Variants in PCDHGA2 observed in about 807,000 individuals in gnomAD.
The protein encoded by PCDHGA2 is protocadherin gamma-A2.
Under a neutral mutation model 59.2 loss-of-function variants are expected in PCDHGA2, and 40 were observed. The ratio of observed to expected loss-of-function variants is 0.68; its 90% CI spans 0.52 to 0.88. The LOEUF (loss-of-function observed/expected upper bound fraction) is 0.88. PCDHGA2 is among the 40% of genes least tolerant of loss of function. The pLI is 0.00. For missense variants in PCDHGA2, 1,226 were observed against 1,204.0 expected (o/e 1.02, Z -0.27); for synonymous variants, 560 against 526.0 (o/e 1.06, Z -0.89).
At chr5:141,367,576 C>T (rs1435052087) in intron 1 of PCDHGA2, 1 of 138,304 alleles carries the variant, frequency 7.2e-6, no homozygotes, top group African/African-American at 2.7e-5. Context: ...AAATAAATAT[C>T]AGAAAAGTAG....
chr5:141,369,438 G>A (rs1766245729), intron 1 of PCDHGA2, among the ~76,000 whole-genome samples: 3 of 152,098 alleles, frequency 2.0e-5, no homozygotes, highest in African/African-American at 7.2e-5. Flanking sequence ...ACGCTGAGGT[G>A]GGAGGATTGC....
At chr5:141,386,203 G>A (rs2090496623) in intron 1 of PCDHGA2, among the ~76,000 whole-genome samples, 1 of 152,140 alleles carries the variant, frequency 6.6e-6, no homozygotes, top group Non-Finnish European at 1.5e-5. Flanking sequence ...TAGACCAGTA[G>A]TTGATTTTAT....
intron 1 of PCDHGA2, among the ~76,000 whole-genome samples, chr5:141,492,854 G>A (rs1361942466): frequency 6.6e-6 from 1 of 152,212 alleles, no homozygotes; most frequent in Non-Finnish European, 1.5e-5. Flanking sequence ...AAAGCCTCGA[G>A]CGCCCTGGCT....
At chr5:141,501,328 CA>C (rs1446948770) in intron 2 of PCDHGA2, among the ~76,000 whole-genome samples, 83 of 151,828 alleles carry the variant, frequency 5.5e-4, no homozygotes, top group Admixed American at 2.2e-3. Context: ...CACACACACA[CA>C]CACACCCCAA....
intron 1 of PCDHGA2, chr5:141,423,748 T>TG: frequency 7.2e-6 from 2 of 278,014 alleles, no homozygotes; most frequent in Admixed American, 4.2e-4. Flanking sequence ...ATGAAAACTG[T>TG]TTGGGGGGGG....
chr5:141,415,147 C>A lies in PCDHGA2; in HGVS notation c.2424+73752C>A, dbSNP rs779194230. The A allele has an allele frequency of 9.9e-6, 16 of 1,613,668 alleles. No individual in the cohort carries two copies. Among genetic ancestry groups the A allele is most frequent in the African/African-American group, 1.3e-5 (1 of 74,952 alleles). On this transcript the variant is annotated intron_variant, in intron 1 of 3. Transcript: ENST00000394576. ...CGTCCAGGACCACGGCCAGCCCCCT[C>A]TCTCCGCCACTGTCACGCTCACCGT... is the stretch of plus-strand genomic sequence containing the variant.
At chr5:141,450,770 AG>A (rs1354382498) in intron 1 of PCDHGA2, among the ~76,000 whole-genome samples, 1 of 151,448 alleles carries the variant, frequency 6.6e-6, no homozygotes, top group Non-Finnish European at 1.5e-5. Context: ...TACAGGCATG[AG>A]CCACCGTGCC....
At chr5:141,355,701 G>A (rs1224015926) in intron 1 of PCDHGA2, 1 of 1,613,860 alleles carries the variant, frequency 6.2e-7, no homozygotes, top group African/African-American at 1.3e-5. Flanking sequence ...TAAACTCCCT[G>A]CAGGGTTACC....
chr5:141,376,250 C>A, intron 1 of PCDHGA2: 1 of 1,614,246 alleles, frequency 6.2e-7, no homozygotes, highest in Non-Finnish European at 8.5e-7. Flanking sequence ...GCACAAGTCA[C>A]GCCTGCTGCA....
chr5:141,362,463 C>T (rs745712262), intron 1 of PCDHGA2: 13 of 1,613,916 alleles, frequency 8.1e-6, no homozygotes, highest in African/African-American at 1.3e-5. Flanking sequence ...AATTGGTTCC[C>T]GCGCAAGATC....
intron 1 of PCDHGA2, chr5:141,400,190 T>C: frequency 1.2e-6 from 2 of 1,614,016 alleles, no homozygotes; most frequent in Non-Finnish European, 1.7e-6. Context: ...CAGTTTTACC[T>C]AGTGGTGGCC....
chr5:141,364,426 C>T (rs1763319753), intron 1 of PCDHGA2: 1 of 1,613,566 alleles, frequency 6.2e-7, no homozygotes. Flanking sequence ...GGCAGATCCG[C>T]TACTCGATGC....
intron 1 of PCDHGA2, chr5:141,404,354 G>A (rs749866543): frequency 6.2e-7 from 1 of 1,613,916 alleles, no homozygotes; most frequent in Non-Finnish European, 8.5e-7. Flanking sequence ...CAACGCCAGA[G>A]GTACTTCCAT....
chr5:141,343,687 C>G (rs959663162), intron 1 of PCDHGA2: 1 of 198,344 alleles, frequency 5.0e-6, no homozygotes, highest in Non-Finnish European at 1.0e-5. Context: ...CAACACTAGT[C>G]CTCTTATCTC....
At chr5:141,368,270 A>G (rs963622826) in intron 1 of PCDHGA2, among the ~76,000 whole-genome samples, 1 of 152,184 alleles carries the variant, frequency 6.6e-6, no homozygotes, top group Non-Finnish European at 1.5e-5. Flanking sequence ...ACATTAAAGA[A>G]CCTAAGACCA....
chr5:141,345,251 G>C, intron 1 of PCDHGA2: 1 of 1,613,866 alleles, frequency 6.2e-7, no homozygotes, highest in Non-Finnish European at 8.5e-7. Context: ...GCTTAGTGAC[G>C]GCCACATCCC....
Position 141,409,459 on chromosome 5 carries a change from T to C in PCDHGA2, c.2424+68064T>C, listed in dbSNP as rs139792503. On this transcript the variant is annotated intron_variant, in intron 1 of 3. Coordinates refer to ENST00000394576, the MANE Select transcript of PCDHGA2 (RefSeq NM_018915.4). ...ACCGAGAGCAGACACCAGAATACAA[T>C]GTCACCATCGTAGCCACTGACAGGG... 4.9e-3 allele frequency: 7,986 copies of C among 1,613,950 alleles called. 44 individuals are homozygous for C. The highest frequency in any genetic ancestry group is 9.4e-3 in the Admixed American group (567 of 60,028).
At chr5:141,398,827 G>A in intron 1 of PCDHGA2, 1 of 1,613,982 alleles carries the variant, frequency 6.2e-7, no homozygotes, top group East Asian at 2.2e-5. Flanking sequence ...CCAGGTAACC[G>A]ACGCCAATGA....
chr5:141,340,625 G>A lies in PCDHGA2; in HGVS notation c.1654G>A (p.Val552Met), dbSNP rs200006551. Residue 552 changes from valine (V) to methionine (M), a missense_variant, in exon 1 of 4, where the codon GTG (valine) becomes ATG (methionine). By Grantham distance (21) the Val-to-Met change is conservative (BLOSUM62 1). Transcript: ENST00000394576. ...LSSNVSLSLF[V>M]LDQNDNAPEI... is the part of the protein sequence containing the mutation. ...TAGCAATGTATCATTAAGCCTGTTC[G>A]TGCTGGACCAGAACGACAACGCGCC... 1.2e-6 allele frequency: 2 copies of A among 1,614,200 alleles called. No homozygotes were observed. Among genetic ancestry groups the A allele is most frequent in the East Asian group, 2.2e-5 (1 of 44,862 alleles).
Sources: allele counts gnomAD v4.1 joint callset (sites outside exome capture counted in the v4.1 genomes callset), GRCh38; gene constraint gnomAD v4.1.1; transcripts MANE v1.5; gene names NCBI Gene and HGNC (gene_info 2026-07-23, HGNC 2026-07-21).